CAMK1D: variants seen among roughly 807,000 people sequenced by gnomAD.
CAMK1D encodes the protein calcium/calmodulin-dependent protein kinase type 1D.
Under a neutral mutation model 47.7 loss-of-function variants are expected in CAMK1D, and 9 were observed. The ratio of observed to expected loss-of-function variants is 0.19; its 90% CI spans 0.11 to 0.33. The LOEUF (loss-of-function observed/expected upper bound fraction) is 0.33, where lower values mean the gene tolerates loss of function less well. CAMK1D is among the 10% of genes least tolerant of loss of function. The probability of loss-of-function intolerance (pLI) is 1.00; values close to 1 mark genes in which losing one functional copy is unlikely to be tolerated. For missense variants in CAMK1D, 291 were observed against 488.7 expected (o/e 0.60, Z 3.81); for synonymous variants, 184 against 184.9 (o/e 0.99, Z 0.04).
intron 1 of CAMK1D, among the ~76,000 whole-genome samples, chr10:12,354,696 C>T (rs994034526): frequency 3.3e-5 from 5 of 151,916 alleles, no homozygotes; most frequent in African/African-American, 9.7e-5. Flanking sequence ...AGACGTGAGC[C>T]GCCGCGCCCA....
At chr10:12,587,353 A>G (rs1161424577) in intron 2 of CAMK1D, among the ~76,000 whole-genome samples, 1 of 152,118 alleles carries the variant, frequency 6.6e-6, no homozygotes, top group Non-Finnish European at 1.5e-5. Context: ...TGCAAAATTC[A>G]GGGAGACTTG....
At chr10:12,789,014 C>T (rs891217960) in intron 5 of CAMK1D, among the ~76,000 whole-genome samples, 3 of 152,208 alleles carry the variant, frequency 2.0e-5, no homozygotes, top group African/African-American at 4.8e-5. Flanking sequence ...TAGGCAGAGG[C>T]GCTCAGCAGT....
At chr10:12,785,715 T>C (rs1197751479) in intron 5 of CAMK1D, among the ~76,000 whole-genome samples, 1 of 152,186 alleles carries the variant, frequency 6.6e-6, no homozygotes, top group African/African-American at 2.4e-5. Flanking sequence ...ATAAAACTGG[T>C]AACACAACAC....
chr10:12,701,682 A>G (rs1392847643), intron 3 of CAMK1D, among the ~76,000 whole-genome samples: 1 of 152,194 alleles, frequency 6.6e-6, no homozygotes, highest in African/African-American at 2.4e-5. Flanking sequence ...TCTTTTTAGG[A>G]GACTGCCATA....
intron 1 of CAMK1D, among the ~76,000 whole-genome samples, chr10:12,362,118 A>G (rs1837682485): frequency 1.3e-5 from 2 of 152,186 alleles, no homozygotes; most frequent in South Asian, 4.1e-4. Flanking sequence ...CATCGTAACC[A>G]TTTTGAAGTG....
chr10:12,768,137 T>G (rs1431549629), intron 4 of CAMK1D, among the ~76,000 whole-genome samples: 1 of 152,194 alleles, frequency 6.6e-6, no homozygotes, highest in Non-Finnish European at 1.5e-5. Flanking sequence ...CCTCCAAAAG[T>G]GCTGGGATTA....
At chr10:12,818,013 C>T (rs17152297) in intron 8 of CAMK1D, among the ~76,000 whole-genome samples, 19,723 of 152,054 alleles carry the variant, frequency 0.13, 1,469 homozygotes, top group East Asian at 0.32. Context: ...GTAAGCACCA[C>T]GAGCATCCAT....
chr10:12,627,830 G>A (rs572307021), intron 2 of CAMK1D, among the ~76,000 whole-genome samples: 199 of 152,192 alleles, frequency 1.3e-3, no homozygotes, highest in Non-Finnish European at 2.1e-3. Flanking sequence ...CCTGTAGTCC[G>A]AAATTTTGGG....
At chr10:12,685,802 ACT>A (rs1832637637) in intron 3 of CAMK1D, among the ~76,000 whole-genome samples, 1 of 152,106 alleles carries the variant, frequency 6.6e-6, no homozygotes, top group Non-Finnish European at 1.5e-5. Flanking sequence ...CTAGAGACAG[ACT>A]CTCACTTTCA....
intron 1 of CAMK1D, among the ~76,000 whole-genome samples, chr10:12,396,882 G>A (rs1838981033): frequency 6.6e-6 from 1 of 152,196 alleles, no homozygotes; most frequent in South Asian, 2.1e-4. Flanking sequence ...TCAGTCGTAA[G>A]GAGCTGAATG....
At chr10:12,672,850 A>G (rs1369726198) in intron 3 of CAMK1D, among the ~76,000 whole-genome samples, 2 of 129,662 alleles carry the variant, frequency 1.5e-5, no homozygotes, top group Non-Finnish European at 3.2e-5. Context: ...AGCTTTGGCT[A>G]TTCTAGAGTA....
At chr10:12,632,111 G>A (rs562430116) in intron 2 of CAMK1D, among the ~76,000 whole-genome samples, 57 of 152,318 alleles carry the variant, frequency 3.7e-4, no homozygotes, top group African/African-American at 1.3e-3. Flanking sequence ...CCTAACCAAC[G>A]TCTCATTCAA....
chr10:12,541,336 A>T (rs890484959), intron 1 of CAMK1D, among the ~76,000 whole-genome samples: 16 of 152,028 alleles, frequency 1.1e-4, no homozygotes, highest in Non-Finnish European at 1.5e-5. Flanking sequence ...GAGACCATTG[A>T]CTTCACTACT....
intron 1 of CAMK1D, among the ~76,000 whole-genome samples, chr10:12,482,400 C>A (rs1266164142): frequency 6.6e-6 from 1 of 152,142 alleles, no homozygotes; most frequent in Non-Finnish European, 1.5e-5. Flanking sequence ...TTATAACACC[C>A]GGTAGCCAAA....
chr10:12,736,591 A>T (rs1835199392), intron 3 of CAMK1D, among the ~76,000 whole-genome samples: 1 of 152,256 alleles, frequency 6.6e-6, no homozygotes, highest in Non-Finnish European at 1.5e-5. Flanking sequence ...AACAGAGAAT[A>T]CATGAAAAAT....
intron 4 of CAMK1D, among the ~76,000 whole-genome samples, chr10:12,763,935 C>A (rs1006823860): frequency 6.6e-6 from 1 of 152,104 alleles, no homozygotes; most frequent in East Asian, 1.9e-4. Context: ...TGGGCCAGAC[C>A]CTCTCCCTGT....
At chr10:12,727,701 A>G (rs937781385) in intron 3 of CAMK1D, among the ~76,000 whole-genome samples, 25 of 151,984 alleles carry the variant, frequency 1.6e-4, no homozygotes, top group Non-Finnish European at 2.8e-4. Flanking sequence ...ATCACAATAT[A>G]TCATAGGATG....
intron 1 of CAMK1D, among the ~76,000 whole-genome samples, chr10:12,453,381 G>A (rs1055685939): frequency 6.6e-6 from 1 of 151,878 alleles, no homozygotes; most frequent in African/African-American, 2.4e-5. Context: ...GTAGAGATGG[G>A]GTTTCACTGT....
intron 3 of CAMK1D, among the ~76,000 whole-genome samples, chr10:12,733,587 T>G (rs1345559019): frequency 6.6e-6 from 1 of 152,174 alleles, no homozygotes; most frequent in East Asian, 1.9e-4. Flanking sequence ...TTCCACAGCG[T>G]GTATAGCCAC....
Sources: allele counts gnomAD v4.1 joint callset (sites outside exome capture counted in the v4.1 genomes callset), GRCh38; gene constraint gnomAD v4.1.1; transcripts MANE v1.5; gene names NCBI Gene and HGNC (gene_info 2026-07-23, HGNC 2026-07-21).